Variants in ACSM3 observed in about 807,000 individuals in gnomAD.
The protein encoded by ACSM3 is acyl-coenzyme A synthetase ACSM3, mitochondrial.
Under a neutral mutation model 74.1 loss-of-function variants are expected in ACSM3, and 61 were observed. The observed-to-expected ratio is 0.82, with a 90% CI of 0.67 to 1.02. ACSM3 has a LOEUF of 1.02. Among genes scored for constraint, ACSM3 ranks in the 50% least tolerant of loss-of-function variants. The pLI is 0.00. For synonymous variants in ACSM3, 213 were observed against 241.5 expected (o/e 0.88, Z 1.09); for missense variants, 660 against 697.0 (o/e 0.95, Z 0.60).
intron 8 of ACSM3, 56 bp from the exon 9 acceptor site, chr16:20,786,022 T>C: frequency 8.1e-7 from 1 of 1,239,912 alleles, no homozygotes; most frequent in Non-Finnish European, 1.1e-6. Flanking sequence ...GCATGATAGA[T>C]GAATAAATTT....
Position 20,786,178 on chromosome 16 carries a change from G to A in ACSM3, c.1224+20G>A, listed in dbSNP as rs1207780330. On this transcript the variant is annotated intron_variant, in intron 9 of 13. Coordinates refer to ENST00000289416, the MANE Select transcript of ACSM3 (RefSeq NM_005622.4). ...GTTAAGGTTTGCACATCCCCTTCCA[G>A]GAGAATGTTTAACAACCCAATCTGT... 1 of 1,607,780 alleles carries A rather than the reference G, an allele frequency of 6.2e-7. No individual in the cohort carries two copies. The highest frequency in any genetic ancestry group is 2.3e-5 in the East Asian group (1 of 44,292).
intron 1 of ACSM3, chr16:20,741,839 G>A: frequency 6.5e-7 from 1 of 1,537,376 alleles, no homozygotes; most frequent in Middle Eastern, 1.7e-4. Flanking sequence ...ATGAGCGACG[G>A]CCTCCCCTAG....
chr16:20,774,172 C>G (rs1343196887), intron 2 of ACSM3, among the ~76,000 whole-genome samples: 1 of 151,574 alleles, frequency 6.6e-6, no homozygotes, highest in African/African-American at 2.4e-5. Flanking sequence ...ATAAGCATAG[C>G]TATTCCTGCA....
intron 1 of ACSM3, among the ~76,000 whole-genome samples, chr16:20,695,541 T>C (rs957644152): frequency 2.0e-5 from 3 of 146,372 alleles, no homozygotes; most frequent in Non-Finnish European, 4.5e-5. Context: ...TCCAGCTTTT[T>C]CACTGATTAT....
intron 1 of ACSM3, chr16:20,737,253 A>G (rs748347457): frequency 3.7e-6 from 6 of 1,613,748 alleles, no homozygotes; most frequent in East Asian, 2.2e-5. Context: ...GGTGAGATCC[A>G]CTTTATTTTC....
intron 3 of ACSM3, among the ~76,000 whole-genome samples, chr16:20,756,142 T>C (rs1292677790): frequency 1.3e-5 from 2 of 152,172 alleles, no homozygotes; most frequent in South Asian, 4.2e-4. Context: ...CCTTTGGGTA[T>C]ATACCCAGTA....
intron 2 of ACSM3, among the ~76,000 whole-genome samples, chr16:20,752,815 G>A (rs563264731): frequency 1.3e-4 from 20 of 152,300 alleles, no homozygotes; most frequent in Admixed American, 2.0e-4. Context: ...CAAAAGGAGA[G>A]CCAACACAAC....
intron 1 of ACSM3, among the ~76,000 whole-genome samples, chr16:20,696,181 G>A (rs2079688773): frequency 6.6e-6 from 1 of 152,194 alleles, no homozygotes; most frequent in Admixed American, 6.5e-5. Context: ...TACACTCTAT[G>A]AGTTCCCATA....
intron 1 of ACSM3, among the ~76,000 whole-genome samples, chr16:20,685,823 A>AAAAAAG (rs2079539731): frequency 8.8e-6 from 1 of 114,166 alleles, no homozygotes; most frequent in Non-Finnish European, 2.0e-5. Flanking sequence ...CCGTCTCAAA[A>AAAAAAG]AAAAAAAACA....
At chr16:20,683,112 T>C (rs989596733) in intron 1 of ACSM3, among the ~76,000 whole-genome samples, 15 of 151,770 alleles carry the variant, frequency 9.9e-5, no homozygotes, top group African/African-American at 3.6e-4. Flanking sequence ...TTTCTTTTTT[T>C]CTTTTATTTA....
chr16:20,688,826 A>G (rs745774302), intron 1 of ACSM3, among the ~76,000 whole-genome samples: 12 of 151,054 alleles, frequency 7.9e-5, no homozygotes, highest in Non-Finnish European at 1.2e-4. Flanking sequence ...ATGAAAATGT[A>G]AAGTTCTCTT....
intron 1 of ACSM3, among the ~76,000 whole-genome samples, chr16:20,709,514 AC>A (rs1405549583): frequency 6.6e-6 from 1 of 152,162 alleles, no homozygotes; most frequent in Non-Finnish European, 1.5e-5. Context: ...ACTGCCCCTA[AC>A]CCTGAAGCTA....
At position 20,792,251 on chromosome 16, in the gene ACSM3, A is replaced by G; in HGVS notation, c.1470A>G (p.Pro490=). 6.2e-7 allele frequency: 1 copy of G among 1,614,092 alleles called. No homozygotes were observed. Among genetic ancestry groups the G allele is most frequent in the East Asian group, 2.2e-5 (1 of 44,872 alleles). Reference sequence around the variant, plus strand: ...GTGTTTCTAGCTATCGAATTGGACCATTTGAGGTAGAAAATGCCCTGAATG... The same window carrying G: ...GTGTTTCTAGCTATCGAATTGGACCGTTTGAGGTAGAAAATGCCCTGAATG... ...VILSSGYRIG[P]FEVENALNEH... is the part of the protein sequence containing the mutation. The change falls in exon 12 of 14, where the codon CCA becomes CCG. Residue 490 remains proline (P), a synonymous_variant. Transcript: ENST00000289416.
At chr16:20,720,186 A>G (rs1487670709) in intron 1 of ACSM3, among the ~76,000 whole-genome samples, 3 of 152,158 alleles carry the variant, frequency 2.0e-5, no homozygotes, top group African/African-American at 7.2e-5. Context: ...CGAGCTCATT[A>G]CATTTATTGT....
At chr16:20,690,567 G>A (rs1021576635) in intron 1 of ACSM3, among the ~76,000 whole-genome samples, 2 of 152,158 alleles carry the variant, frequency 1.3e-5, no homozygotes, top group Non-Finnish European at 2.9e-5. Flanking sequence ...TGCACATTCA[G>A]GTGGTCTATC....
chr16:20,674,485 G>T, upstream of ACSM3: 1 of 152,240 alleles, frequency 6.6e-6, no homozygotes, highest in African/African-American at 2.5e-5. Flanking sequence ...AAGGTAACCT[G>T]ACTCTTTGTT....
intron 1 of ACSM3, among the ~76,000 whole-genome samples, chr16:20,742,814 T>TATATA (rs1555483507): frequency 5.8e-5 from 3 of 51,782 alleles, no homozygotes; most frequent in Admixed American, 3.7e-4. Flanking sequence ...TATATATATA[T>TATATA]TTTTTTTTTT....
chr16:20,778,233 G>T (rs2080279581), intron 4 of ACSM3, among the ~76,000 whole-genome samples: 1 of 152,210 alleles, frequency 6.6e-6, no homozygotes, highest in Non-Finnish European at 1.5e-5. Flanking sequence ...TGATGTTGAA[G>T]CCTAGCATGG....
chr16:20,736,803 C>T, intron 1 of ACSM3: 1 of 1,459,050 alleles, frequency 6.9e-7, no homozygotes, highest in Non-Finnish European at 9.3e-7. Flanking sequence ...TGTTTTTAGT[C>T]ACAATTTAAG....
Sources: allele counts gnomAD v4.1 joint callset (sites outside exome capture counted in the v4.1 genomes callset), GRCh38; gene constraint gnomAD v4.1.1; transcripts MANE v1.5; gene names NCBI Gene and HGNC (gene_info 2026-07-23, HGNC 2026-07-21).